Variants in ELFN1 observed in about 807,000 individuals in gnomAD.
The protein encoded by ELFN1 is protein ELFN1.
ELFN1 carries 6 observed loss-of-function variants against 7.6 expected under a neutral mutation model. The observed-to-expected ratio is 0.79, with a 90% CI of 0.43 to 1.56. The LOEUF (loss-of-function observed/expected upper bound fraction) is 1.56, where lower values mean the gene tolerates loss of function less well. ELFN1 is among the 40% of genes most tolerant of loss of function. The probability of loss-of-function intolerance (pLI) is 0.01; values close to 1 mark genes in which losing one functional copy is unlikely to be tolerated. For missense variants in ELFN1, 1,169 were observed against 1,232.2 expected (o/e 0.95, Z 0.77); for synonymous variants, 657 against 588.1 (o/e 1.12, Z -1.70).
Position 1,694,112 on chromosome 7 carries a change from C to G in ELFN1, c.-456+5962C>G, listed in dbSNP as rs1296785669. On this transcript the variant is annotated intron_variant, in intron 2 of 3. Coordinates refer to ENST00000424383, the MANE Select transcript of ELFN1 (RefSeq NM_001128636.4). ...TAGAAAGAGAAACCGAGGCTTGAAG[C>G]AGCTCCAGCCAGGGTTCCCCAGCCA... 1.6e-5 allele frequency: 4 copies of G among 246,754 alleles called. No individual in the cohort carries two copies. In the East Asian group the frequency reaches 3.5e-4, roughly 22 times the overall value. The allele number at this position is 246,754 out of a possible 1,614,324, so 15.3% of individuals were successfully genotyped here. A position where few individuals can be genotyped will look rare whatever the true frequency, so the allele number is the denominator to read the frequency against.
chr7:1,723,107 T>C (rs367890025), intron 3 of ELFN1, among the ~76,000 whole-genome samples: 30 of 152,276 alleles, frequency 2.0e-4, no homozygotes, highest in African/African-American at 7.0e-4. Context: ...GGCAGGAGAA[T>C]CACTTGAACC....
chr7:1,693,468 C>A (rs1325789833), intron 2 of ELFN1: 1 of 471,108 alleles, frequency 2.1e-6, no homozygotes, highest in Non-Finnish European at 4.4e-6. Context: ...TGCACCCAGA[C>A]AGGTGCGTGC....
Position 1,673,899 on chromosome 7 carries a change from T to C in ELFN1, c.-549+3545T>C, listed in dbSNP as rs1562354371. ...AGCTGTCCTGGGGCAGCTGGGGTCT[T>C]GGTCTTGGAGAAGAGCTGGAACCCA... is the stretch of plus-strand genomic sequence containing the variant. On this transcript the variant is annotated intron_variant, in intron 1 of 3. Coordinates refer to ENST00000424383, the MANE Select transcript of ELFN1 (RefSeq NM_001128636.4). The surrounding 1 kb of genome is among the most constrained non-coding windows in gnomAD (Gnocchi z 4.7). Among the ~76,000 whole-genome samples the C allele has an allele frequency of 6.6e-6, 1 of 152,140 alleles. No individual in the cohort carries two copies. Among genetic ancestry groups the C allele is most frequent in the Non-Finnish European group, 1.5e-5 (1 of 68,008 alleles).
Position 1,744,929 on chromosome 7 carries a change from G to C in ELFN1, c.333G>C (p.Gln111His). 6.4e-7 allele frequency: 1 copy of C among 1,552,518 alleles called. No individual in the cohort carries two copies. Among genetic ancestry groups the C allele is most frequent in the Admixed American group, 2.0e-5 (1 of 51,080 alleles). Reference sequence around the variant, plus strand: ...CCTTCTCGGGCCAGTTCAACCTGCAGGTGCTGCAGCTGGGCTACAACCGGC... The same window carrying C: ...CCTTCTCGGGCCAGTTCAACCTGCACGTGCTGCAGCTGGGCTACAACCGGC... ...DGAFSGQFNL[Q>H]VLQLGYNRLR... is the part of the protein sequence containing the mutation. Residue 111 changes from glutamine to histidine, a missense_variant, in exon 4 of 4, where the codon CAG (glutamine) becomes CAC (histidine). Around this residue, in one of 2 missense-constraint regions of ELFN1, gnomAD observed 255 missense variants for 359.6 expected, o/e 0.71. Transcript: ENST00000424383.
chr7:1,710,068 G>A (rs997381975), intron 3 of ELFN1, among the ~76,000 whole-genome samples: 2 of 152,224 alleles, frequency 1.3e-5, no homozygotes, highest in Admixed American at 6.5e-5. Flanking sequence ...ACCAGAAGGA[G>A]GCGCTATTGT....
rs192078216 is a variant in ELFN1 at position 1,747,163 on chromosome 7, C to G, written c.*80C>G. The G allele has an allele frequency of 5.2e-6, 7 of 1,358,906 alleles. No individual in the cohort carries two copies. In the South Asian group the frequency reaches 1.0e-4, roughly 20 times the overall value. 84.2% of individuals were successfully genotyped at this position (1,358,906 alleles called of 1,614,324 possible). On this transcript the variant is annotated 3_prime_UTR_variant, in exon 4 of 4. Coordinates refer to ENST00000424383, the MANE Select transcript of ELFN1 (RefSeq NM_001128636.4). ...GAGACTCAGCACCAAACCCAACACA[C>G]GCACGCCACCACAGCAACTGTGACA...
rs1780590696 is a variant in ELFN1, at chr7:1,740,870, C to G, written c.-293-3434C>G. 6.6e-6 allele frequency among the ~76,000 whole-genome samples: 1 copy of G among 152,196 alleles called. No individual in the cohort carries two copies. Among genetic ancestry groups the G allele is most frequent in the Non-Finnish European group, 1.5e-5 (1 of 68,030 alleles). On this transcript the variant is annotated intron_variant, in intron 3 of 3. Coordinates refer to ENST00000424383, the MANE Select transcript of ELFN1 (RefSeq NM_001128636.4). The surrounding 1 kb of genome is among the most constrained non-coding windows in gnomAD (Gnocchi z 5.0). Reference sequence around the variant, plus strand: ...CTTGGCTGGGCATGGTGGCTCACGCCTGTAATCCCAGCACTTTGGGAGGCC... The same window carrying G: ...CTTGGCTGGGCATGGTGGCTCACGCGTGTAATCCCAGCACTTTGGGAGGCC...
chr7:1,730,578 G>A (rs141451636), intron 3 of ELFN1, among the ~76,000 whole-genome samples: 44 of 152,310 alleles, frequency 2.9e-4, no homozygotes, highest in Non-Finnish European at 3.7e-4. Flanking sequence ...CAGGTCAGCT[G>A]GAATGCACAT....
At chr7:1,738,620 G>C (rs1373043581) in intron 3 of ELFN1, 1 of 152,018 alleles carries the variant, frequency 6.6e-6, no homozygotes, top group Non-Finnish European at 1.5e-5. Flanking sequence ...AGTACAAAAG[G>C]AAGTTAATGT....
chr7:1,694,241 G>T (rs1487675889), intron 2 of ELFN1: 1 of 197,934 alleles, frequency 5.1e-6, no homozygotes, highest in Non-Finnish European at 1.1e-5. Flanking sequence ...TGCCGGGCAG[G>T]GCTGGGGAAT....
intron 1 of ELFN1, among the ~76,000 whole-genome samples, chr7:1,672,193 G>A (rs1162999303): frequency 2.0e-5 from 3 of 152,194 alleles, no homozygotes; most frequent in Non-Finnish European, 4.4e-5. Context: ...TAAGTCTGGG[G>A]TAAGGGTGCA....
chr7:1,710,951 C>A (rs1321332710), intron 3 of ELFN1, among the ~76,000 whole-genome samples: 1 of 152,234 alleles, frequency 6.6e-6, no homozygotes, highest in Non-Finnish European at 1.5e-5. Flanking sequence ...GCAAAATCTT[C>A]ACAAAGTGAG....
chr7:1,705,490 G>A lies in ELFN1; in HGVS notation c.-455-3601G>A, dbSNP rs887491120. On this transcript the variant is annotated intron_variant, in intron 2 of 3. Coordinates refer to ENST00000424383, the MANE Select transcript of ELFN1 (RefSeq NM_001128636.4). The surrounding 1 kb of genome is among the most constrained non-coding windows in gnomAD (Gnocchi z 4.3). The stretch of plus-strand genomic sequence containing the variant: ...AGGGTGCCAGGGGAGTGAGTCCAGC[G>A]TGGCAGCCGCCACTGCCTGCCCGAG... Among the ~76,000 whole-genome samples, 5 of 152,210 alleles carry A rather than the reference G, an allele frequency of 3.3e-5. No homozygotes were observed. Among genetic ancestry groups the A allele is most frequent in the African/African-American group, 7.2e-5 (3 of 41,462 alleles).
intron 2 of ELFN1, chr7:1,693,546 C>T (rs79496824): frequency 0.12 from 55,312 of 471,142 alleles, 3,698 homozygotes; most frequent in African/African-American, 0.2. Context: ...AACACATACA[C>T]GCCTGTGGAC....
At chr7:1,696,973 G>C (rs562870572) in intron 2 of ELFN1, among the ~76,000 whole-genome samples, 1 of 152,244 alleles carries the variant, frequency 6.6e-6, no homozygotes, top group African/African-American at 2.4e-5. Context: ...GGGACTGCTC[G>C]TCCCCTTTCA....
chr7:1,669,521 C>T (rs1171309691), upstream of ELFN1, among the ~76,000 whole-genome samples: 1 of 152,242 alleles, frequency 6.6e-6, no homozygotes, highest in Non-Finnish European at 1.5e-5. Context: ...CTGCCTTCGA[C>T]GCGCTGTGTA....
intron 3 of ELFN1, among the ~76,000 whole-genome samples, chr7:1,729,762 G>A (rs577837411): frequency 1.3e-5 from 2 of 152,358 alleles, no homozygotes; most frequent in Admixed American, 6.5e-5. Flanking sequence ...GTCCTGCCTT[G>A]AGCCCCTATT....
chr7:1,746,487 G>A lies in ELFN1; in HGVS notation c.1891G>A (p.Glu631Lys), dbSNP rs1562393095. 2 of 1,503,086 alleles carry A rather than the reference G, an allele frequency of 1.3e-6. No individual in the cohort carries two copies. The highest frequency in any genetic ancestry group is 1.3e-5 in the South Asian group (1 of 79,500). 93.1% of individuals were successfully genotyped at this position (1,503,086 alleles called of 1,614,324 possible). The change falls in exon 4 of 4, where the codon GAG becomes AAG. Residue 631 changes from glutamate to lysine, a missense_variant. Coordinates refer to ENST00000424383, the MANE Select transcript of ELFN1 (RefSeq NM_001128636.4). Reference sequence around the variant, plus strand: ...CAGCCTGCAGCGGCACCACAGCGTGGAGGCCGCCGGGCCCCCTCGTGCCAG... The same window carrying A: ...CAGCCTGCAGCGGCACCACAGCGTGAAGGCCGCCGGGCCCCCTCGTGCCAG... Reference protein sequence around the residue: ...GHSLQRHHSVEAAGPPRASTS... With the variant: ...GHSLQRHHSVKAAGPPRASTS...
At chr7:1,666,893 C>A (rs1430308384), upstream of ELFN1, among the ~76,000 whole-genome samples, 2 of 151,774 alleles carry the variant, frequency 1.3e-5, no homozygotes, top group Non-Finnish European at 2.9e-5. The surrounding 1 kb of genome is among the most constrained non-coding windows in gnomAD (Gnocchi z 7.9). Context: ...CTCTGCCGAC[C>A]GCTGCGGAGC....
Sources: allele counts gnomAD v4.1 joint callset (sites outside exome capture counted in the v4.1 genomes callset), GRCh38; gene constraint gnomAD v4.1.1; regional missense constraint gnomAD v4.1.1; non-coding constraint Gnocchi (gnomAD v3.1); transcripts MANE v1.5; gene names NCBI Gene and HGNC (gene_info 2026-07-23, HGNC 2026-07-21).